Variants in PDS5B observed in about 807,000 individuals in gnomAD.
PDS5B encodes the protein sister chromatid cohesion protein PDS5 homolog B.
PDS5B carries 51 observed loss-of-function variants against 184.1 expected under a neutral mutation model. The ratio of observed to expected loss-of-function variants is 0.28; its 90% CI spans 0.22 to 0.35. The LOEUF is 0.35. PDS5B is among the 10% of genes least tolerant of loss of function. The probability of loss-of-function intolerance (pLI) is 1.00; values close to 1 mark genes in which losing one functional copy is unlikely to be tolerated. For synonymous variants in PDS5B, 566 were observed against 569.2 expected (o/e 0.99, Z 0.08); for missense variants, 1,180 against 1,723.3 (o/e 0.68, Z 5.58).
chr13:32,621,306 A>G (rs1156469341), intron 1 of PDS5B, among the ~76,000 whole-genome samples: 1 of 152,160 alleles, frequency 6.6e-6, no homozygotes, highest in Non-Finnish European at 1.5e-5. Flanking sequence ...CCTACAAAAA[A>G]TAAAAAAATT....
chr13:32,729,465 A>G (rs765448650), intron 19 of PDS5B, among the ~76,000 whole-genome samples: 1 of 152,142 alleles, frequency 6.6e-6, no homozygotes, highest in African/African-American at 2.4e-5. Context: ...TATACCTAGT[A>G]ATGGGATTGC....
At chr13:32,702,954 A>C (rs1951903986) in intron 17 of PDS5B, among the ~76,000 whole-genome samples, 1 of 152,200 alleles carries the variant, frequency 6.6e-6, no homozygotes, top group Non-Finnish European at 1.5e-5. Flanking sequence ...ACGTACTTGA[A>C]GGAAATTTTA....
intron 10 of PDS5B, among the ~76,000 whole-genome samples, chr13:32,679,534 G>A (rs1951171992): frequency 6.6e-6 from 1 of 152,060 alleles, no homozygotes; most frequent in South Asian, 2.1e-4. Flanking sequence ...TACTCAGGAG[G>A]CTGAGGCAGG....
chr13:32,755,725 T>C (rs751303935), intron 25 of PDS5B, 117 bp from the exon 26 acceptor site: 5 of 551,288 alleles, frequency 9.1e-6, no homozygotes, highest in East Asian at 3.0e-5. Context: ...GCAGAAAATA[T>C]AGTACGAAAG....
intron 1 of PDS5B, among the ~76,000 whole-genome samples, chr13:32,595,130 T>C (rs1227732220): frequency 2.6e-5 from 4 of 152,220 alleles, no homozygotes; most frequent in Middle Eastern, 3.4e-3. Flanking sequence ...CTTTAACATC[T>C]TTCCAACTTG....
At chr13:32,660,368 T>C (rs1566296244) in intron 6 of PDS5B, among the ~76,000 whole-genome samples, 1 of 152,220 alleles carries the variant, frequency 6.6e-6, no homozygotes, top group Non-Finnish European at 1.5e-5. Flanking sequence ...TGACTTCTGC[T>C]GGGCAAATGA....
chr13:32,605,155 G>T (rs1380589143), intron 1 of PDS5B, among the ~76,000 whole-genome samples: 16 of 152,106 alleles, frequency 1.1e-4, no homozygotes, highest in Non-Finnish European at 1.8e-4. Flanking sequence ...TTTTAATTGT[G>T]ATGTTAGGGT....
At chr13:32,723,157 A>G (rs1035863530) in intron 19 of PDS5B, among the ~76,000 whole-genome samples, 1 of 152,228 alleles carries the variant, frequency 6.6e-6, no homozygotes, top group African/African-American at 2.4e-5. Flanking sequence ...TAAAAAGAAT[A>G]GTGCTTAGCA....
chr13:32,657,516 A>G (rs7999313), intron 3 of PDS5B, among the ~76,000 whole-genome samples: 1,809 of 152,224 alleles, frequency 0.012, 44 homozygotes, highest in African/African-American at 0.042. Flanking sequence ...TCTTTAACCA[A>G]CTGACCACAC....
chr13:32,591,515 T>C (rs1225950578), intron 1 of PDS5B, among the ~76,000 whole-genome samples: 1 of 152,190 alleles, frequency 6.6e-6, no homozygotes, highest in African/African-American at 2.4e-5. Flanking sequence ...TAAGAAATAA[T>C]AAGAATATTT....
At chr13:32,658,389 A>G in intron 4 of PDS5B, 45 bp from the exon 5 acceptor site, 1 of 1,423,156 alleles carries the variant, frequency 7.0e-7, no homozygotes, top group Non-Finnish European at 9.8e-7. Context: ...TATATTTTTA[A>G]TAATCAAAAT....
chr13:32,719,787 C>A (rs1405084352), intron 19 of PDS5B, among the ~76,000 whole-genome samples: 2 of 150,632 alleles, frequency 1.3e-5, no homozygotes, highest in Non-Finnish European at 3.0e-5. Flanking sequence ...TAAAGACCCC[C>A]CCCCCTTTTT....
At chr13:32,705,409 C>T (rs370246709) in intron 17 of PDS5B, among the ~76,000 whole-genome samples, 7 of 152,172 alleles carry the variant, frequency 4.6e-5, no homozygotes, top group South Asian at 2.1e-4. Flanking sequence ...AGAGAAAACA[C>T]CCTCAGAAAT....
At chr13:32,631,064 A>G (rs1355152567) in intron 1 of PDS5B, among the ~76,000 whole-genome samples, 4 of 147,790 alleles carry the variant, frequency 2.7e-5, no homozygotes, top group Admixed American at 2.7e-4. Flanking sequence ...AAGTGTTGGG[A>G]TTACAGGCAT....
At chr13:32,748,759 C>T (rs1029488540) in intron 24 of PDS5B, among the ~76,000 whole-genome samples, 10 of 151,958 alleles carry the variant, frequency 6.6e-5, no homozygotes, top group Non-Finnish European at 1.2e-4. Flanking sequence ...TCTTTCTTGA[C>T]ATGAAGAGCC....
intron 10 of PDS5B, among the ~76,000 whole-genome samples, chr13:32,682,186 CTTAAAAAA>C: frequency 6.6e-6 from 1 of 151,662 alleles, no homozygotes; most frequent in Non-Finnish European, 1.5e-5. Context: ...TTTTTTTTAA[CTTAAAAAA>C]AGTGTAATTA....
intron 6 of PDS5B, among the ~76,000 whole-genome samples, chr13:32,663,541 A>G (rs922665331): frequency 1.3e-5 from 2 of 152,198 alleles, no homozygotes; most frequent in Non-Finnish European, 1.5e-5. Flanking sequence ...AATTCATTGT[A>G]ATTTATAACT....
At chr13:32,702,368 TTG>T (rs1290326727) in intron 17 of PDS5B, among the ~76,000 whole-genome samples, 1 of 152,190 alleles carries the variant, frequency 6.6e-6, no homozygotes, top group African/African-American at 2.4e-5. Flanking sequence ...GCCTCTATAT[TTG>T]TAAGAGGAAG....
intron 19 of PDS5B, among the ~76,000 whole-genome samples, chr13:32,725,569 C>G (rs1272763305): frequency 6.6e-6 from 1 of 152,080 alleles, no homozygotes; most frequent in Non-Finnish European, 1.5e-5. Context: ...GTACTAATTG[C>G]TAATGTATAA....
Sources: allele counts gnomAD v4.1 joint callset (sites outside exome capture counted in the v4.1 genomes callset), GRCh38; gene constraint gnomAD v4.1.1; transcripts MANE v1.5; gene names NCBI Gene and HGNC (gene_info 2026-07-23, HGNC 2026-07-21).